The following ZNF438 variants were observed in gnomAD, a reference collection of about 807,000 sequenced individuals.
ZNF438 encodes zinc finger protein 438.
In ZNF438, 25 loss-of-function variants were observed where a neutral mutation model predicts 38.0. The ratio of observed to expected loss-of-function variants is 0.66; its 90% confidence interval spans 0.48 to 0.92. The LOEUF is 0.92. Among genes scored for constraint, ZNF438 ranks in the 40% least tolerant of loss-of-function variants. The probability of loss-of-function intolerance (pLI) is 0.00; values close to 1 mark genes in which losing one functional copy is unlikely to be tolerated. For synonymous variants in ZNF438, 372 were observed against 364.1 expected (o/e 1.02, Z -0.25); for missense variants, 1,007 against 999.6 (o/e 1.01, Z -0.10).
intron 1 of ZNF438, among the ~76,000 whole-genome samples, chr10:30,951,400 G>A (rs2048177349): frequency 6.6e-6 from 1 of 151,010 alleles, no homozygotes; most frequent in Non-Finnish European, 1.5e-5. Flanking sequence ...TCTGGCCAGG[G>A]CAATTAGGCA....
At chr10:30,966,417 T>A (rs1469588007) in intron 1 of ZNF438, among the ~76,000 whole-genome samples, 38 of 152,008 alleles carry the variant, frequency 2.5e-4, no homozygotes, top group Non-Finnish European at 8.8e-5. Context: ...ATGCTTGTAA[T>A]CCCAGCACTT....
chr10:30,977,769 G>A (rs1476696678), intron 1 of ZNF438, among the ~76,000 whole-genome samples: 1 of 152,078 alleles, frequency 6.6e-6, no homozygotes, highest in Non-Finnish European at 1.5e-5. Flanking sequence ...CGGATCGCAA[G>A]GTCAGGAGTT....
At chr10:30,880,549 T>C (rs773190323) in intron 3 of ZNF438, among the ~76,000 whole-genome samples, 2 of 152,118 alleles carry the variant, frequency 1.3e-5, no homozygotes, top group Non-Finnish European at 2.9e-5. Flanking sequence ...CCCTGATGTC[T>C]TCTCTGGTGA....
At chr10:30,976,823 C>T (rs536812231) in intron 1 of ZNF438, among the ~76,000 whole-genome samples, 1 of 150,642 alleles carries the variant, frequency 6.6e-6, no homozygotes, top group South Asian at 2.1e-4. Context: ...ACACATAACA[C>T]ATTAACACAT....
chr10:30,867,675 T>C (rs1433337849), intron 4 of ZNF438, among the ~76,000 whole-genome samples: 1 of 152,160 alleles, frequency 6.6e-6, no homozygotes, highest in African/African-American at 2.4e-5. Context: ...AGTGGGCAGG[T>C]TTGTGTGAAT....
chr10:30,893,782 T>C (rs2040999875), intron 3 of ZNF438, among the ~76,000 whole-genome samples: 3 of 152,316 alleles, frequency 2.0e-5, no homozygotes, highest in African/African-American at 7.2e-5. Flanking sequence ...ATGGAAAAAC[T>C]ATAAACAGGC....
rs374470092 is a variant in ZNF438 at position 30,845,359 on chromosome 10, C to A, written c.2089G>T (p.Ala697Ser). Residue 697 changes from alanine (A) to serine (S), a missense_variant, in exon 6 of 6, where the codon GCT becomes TCT. Coordinates refer to ENST00000413025, the Ensembl canonical transcript of ZNF438. Reference sequence around the variant, plus strand: ...GGATGCCTTTTCCAGTCGGGGCTAGCGTGCTGCACCAACTCTTCCTGAGTC... The same window carrying A: ...GGATGCCTTTTCCAGTCGGGGCTAGAGTGCTGCACCAACTCTTCCTGAGTC... The A allele has an allele frequency of 1.1e-5, 17 of 1,614,028 alleles. No homozygotes were observed. The East Asian group carries it at 3.3e-4, about 32-fold the overall frequency.
At chr10:30,954,139 T>TA (rs1011633205) in intron 1 of ZNF438, among the ~76,000 whole-genome samples, 12 of 151,106 alleles carry the variant, frequency 7.9e-5, no homozygotes, top group African/African-American at 1.5e-4. Context: ...CGAGACTGTT[T>TA]AAAAAAAAAG....
Position 30,988,207 on chromosome 10 carries a change from G to C in ZNF438, c.-192+43626C>G, listed in dbSNP as rs73254403. ...AACTATTACAAAATAAAATTTAATA[G>C]AATTTGCTTTGAACTTACCAGGTAC... On this transcript the variant is annotated intron_variant, in intron 1 of 5. Coordinates refer to ENST00000413025, the Ensembl canonical transcript of ZNF438. Among the ~76,000 whole-genome samples, 289 of 151,690 alleles carry C rather than the reference G, an allele frequency of 1.9e-3. 1 individual carries two copies. Among genetic ancestry groups the C allele is most frequent in the African/African-American group, 6.5e-3 (271 of 41,386 alleles).
At chr10:30,940,780 G>T (rs1418316764) in intron 2 of ZNF438, among the ~76,000 whole-genome samples, 1 of 152,134 alleles carries the variant, frequency 6.6e-6, no homozygotes, top group African/African-American at 2.4e-5. Flanking sequence ...AGAGTTGAGG[G>T]TGATTAAGAT....
chr10:30,932,204 G>C (rs1362681712), intron 2 of ZNF438, among the ~76,000 whole-genome samples: 3 of 151,992 alleles, frequency 2.0e-5, no homozygotes, highest in Non-Finnish European at 4.4e-5. Flanking sequence ...CATTTTTAAA[G>C]TATTACAGTT....
intron 3 of ZNF438, among the ~76,000 whole-genome samples, chr10:30,881,770 A>T (rs994358386): frequency 2.0e-5 from 3 of 151,706 alleles, no homozygotes; most frequent in Non-Finnish European, 2.9e-5. Context: ...AGAGTCCATA[A>T]ATAAATCTAC....
At chr10:30,999,718 A>T (rs946185112) in intron 1 of ZNF438, among the ~76,000 whole-genome samples, 1 of 152,128 alleles carries the variant, frequency 6.6e-6, no homozygotes, top group Non-Finnish European at 1.5e-5. Context: ...TTCTTTACAC[A>T]TATTTATTTA....
At chr10:30,986,542 T>C (rs1469994931) in intron 1 of ZNF438, among the ~76,000 whole-genome samples, 1 of 152,244 alleles carries the variant, frequency 6.6e-6, no homozygotes, top group East Asian at 1.9e-4. Flanking sequence ...GTTGAATGCC[T>C]AGTGTCATGA....
intron 3 of ZNF438, among the ~76,000 whole-genome samples, chr10:30,885,294 C>T (rs904932482): frequency 5.3e-5 from 8 of 152,122 alleles, no homozygotes; most frequent in African/African-American, 1.7e-4. Flanking sequence ...TTTGACAGGC[C>T]GTCTTCCAGT....
chr10:30,845,083 C>T, exon 6 of ZNF438: 1 of 1,614,200 alleles, frequency 6.2e-7, no homozygotes, highest in Non-Finnish European at 8.5e-7. Flanking sequence ...AGGAGGTCCT[C>T]TTTCCGTCCC....
intron 1 of ZNF438, among the ~76,000 whole-genome samples, chr10:30,949,848 A>G (rs1248652328): frequency 6.6e-6 from 1 of 152,092 alleles, no homozygotes; most frequent in African/African-American, 2.4e-5. Context: ...CGAGACAGAA[A>G]GTCAACAAGG....
At chr10:30,989,925 A>G (rs2053287688) in intron 1 of ZNF438, among the ~76,000 whole-genome samples, 1 of 152,174 alleles carries the variant, frequency 6.6e-6, no homozygotes, top group African/African-American at 2.4e-5. Flanking sequence ...ATCTCTGTCT[A>G]CAGAAAGGGC....
chr10:31,017,854 C>T (rs2056317779), intron 1 of ZNF438, among the ~76,000 whole-genome samples: 1 of 152,218 alleles, frequency 6.6e-6, no homozygotes, highest in South Asian at 2.1e-4. Context: ...TTCCAAGACA[C>T]TGGTTCTGCC....
Sources: allele counts gnomAD v4.1 joint callset (sites outside exome capture counted in the v4.1 genomes callset), GRCh38; gene constraint gnomAD v4.1.1; transcripts MANE v1.5; gene names NCBI Gene and HGNC (gene_info 2026-07-23, HGNC 2026-07-21).